The following SOAT1 variants were observed in gnomAD, a reference collection of about 807,000 sequenced individuals.
SOAT1 encodes the protein sterol O-acyltransferase 1, also known as acyl-coenzyme A:cholesterol acyltransferase 1.
SOAT1 carries 55 observed loss-of-function variants against 69.5 expected under a neutral mutation model. That is an observed-to-expected ratio of 0.79 (90% confidence interval 0.64 to 0.99). The LOEUF (loss-of-function observed/expected upper bound fraction) is 0.99. Among genes scored for constraint, SOAT1 ranks in the 50% least tolerant of loss-of-function variants. The probability of loss-of-function intolerance (pLI) is 0.00; values close to 1 mark genes in which losing one functional copy is unlikely to be tolerated. For synonymous variants in SOAT1, 231 were observed against 224.7 expected, an observed-to-expected ratio of 1.03 and a Z score of -0.25; for missense variants, 580 against 669.3, an observed-to-expected ratio of 0.87 and a Z score of 1.47.
chr1:179,313,119 C>T (rs1665273448), intron 2 of SOAT1, among the ~76,000 whole-genome samples: 1 of 152,170 alleles, frequency 6.6e-6, no homozygotes, highest in East Asian at 1.9e-4. Context: ...GTTTTATTTG[C>T]CAACCAGATT....
chr1:179,347,356 T>C (rs1471726060), intron 11 of SOAT1, among the ~76,000 whole-genome samples: 1 of 33,878 alleles, frequency 3.0e-5, no homozygotes, highest in Non-Finnish European at 6.0e-5. Context: ...GGACTCTGTC[T>C]CAAAAAAGAA....
chr1:179,330,073 G>C (rs1665922959), intron 3 of SOAT1, among the ~76,000 whole-genome samples: 1 of 152,172 alleles, frequency 6.6e-6, no homozygotes, highest in African/African-American at 2.4e-5. Flanking sequence ...TGGTAAAGCA[G>C]TAGAGAAGGA....
chr1:179,297,898 A>G (rs1429949713), intron 1 of SOAT1, among the ~76,000 whole-genome samples: 1 of 151,124 alleles, frequency 6.6e-6, no homozygotes, highest in Admixed American at 6.6e-5. Flanking sequence ...GCTGCTCCAG[A>G]GGCTGAGGCA....
At chr1:179,309,146 C>T (rs1031436943) in intron 2 of SOAT1, among the ~76,000 whole-genome samples, 7 of 152,096 alleles carry the variant, frequency 4.6e-5, no homozygotes, top group South Asian at 4.1e-4. Context: ...TGCAGTGGTG[C>T]GATCTTGGCT....
chr1:179,313,011 G>T (rs1003736514), intron 2 of SOAT1, among the ~76,000 whole-genome samples: 1 of 152,110 alleles, frequency 6.6e-6, no homozygotes, highest in African/African-American at 2.4e-5. Flanking sequence ...TCAGTTTCTC[G>T]CAAAGGCAGT....
chr1:179,327,755 A>G (rs1665839783), intron 3 of SOAT1, among the ~76,000 whole-genome samples: 2 of 152,210 alleles, frequency 1.3e-5, no homozygotes, highest in Non-Finnish European at 2.9e-5. Context: ...AAGTAAGGAA[A>G]AGTGTGAAGA....
intron 2 of SOAT1, among the ~76,000 whole-genome samples, chr1:179,305,553 A>G (rs1380195054): frequency 6.6e-6 from 1 of 152,164 alleles, no homozygotes; most frequent in Non-Finnish European, 1.5e-5. Flanking sequence ...ACATTTGTGT[A>G]GAAGCTTATG....
At chr1:179,324,133 G>A (rs895212579) in intron 3 of SOAT1, among the ~76,000 whole-genome samples, 3 of 152,076 alleles carry the variant, frequency 2.0e-5, no homozygotes, top group Non-Finnish European at 4.4e-5. Flanking sequence ...TGAAGATGAA[G>A]TAGCCCTGTT....
chr1:179,304,201 T>TGG (rs1231630601), intron 2 of SOAT1, among the ~76,000 whole-genome samples: 1 of 152,178 alleles, frequency 6.6e-6, no homozygotes, highest in African/African-American at 2.4e-5. Context: ...GTAAGTGCTT[T>TGG]GGGAGTAATC....
intron 15 of SOAT1, among the ~76,000 whole-genome samples, chr1:179,353,042 C>A (rs1016108815): frequency 1.4e-5 from 2 of 146,040 alleles, no homozygotes; most frequent in African/African-American, 2.5e-5. Flanking sequence ...TAATTTTAAA[C>A]CTTGTATTAG....
intron 3 of SOAT1, among the ~76,000 whole-genome samples, chr1:179,330,700 C>T (rs552797286): frequency 6.6e-5 from 10 of 152,216 alleles, no homozygotes; most frequent in Non-Finnish European, 1.3e-4. Context: ...ACATGGTAGA[C>T]GTTTCTCACT....
chr1:179,353,208 A>AT (rs1558061742), intron 15 of SOAT1, among the ~76,000 whole-genome samples: 1 of 8,214 alleles, frequency 1.2e-4, no homozygotes, highest in Non-Finnish European at 3.0e-4. Context: ...GTTATATATA[A>AT]ATATATATAT....
chr1:179,297,484 T>G (rs2124928000), intron 1 of SOAT1, among the ~76,000 whole-genome samples: 1 of 152,048 alleles, frequency 6.6e-6, no homozygotes, highest in South Asian at 2.1e-4. Flanking sequence ...TACAGGCACC[T>G]GCCATCACCC....
At chr1:179,294,813 G>A (rs1284067519) in intron 1 of SOAT1, among the ~76,000 whole-genome samples, 3 of 152,214 alleles carry the variant, frequency 2.0e-5, no homozygotes, top group Admixed American at 6.5e-5. Flanking sequence ...GATTACAGGC[G>A]TGAGCCACCG....
At chr1:179,319,004 G>A (rs1035680023) in intron 2 of SOAT1, among the ~76,000 whole-genome samples, 4 of 151,934 alleles carry the variant, frequency 2.6e-5, no homozygotes, top group Non-Finnish European at 5.9e-5. Context: ...TTAATCTGTC[G>A]AGGAACTTCC....
At chr1:179,304,275 C>G (rs2124937494) in intron 2 of SOAT1, among the ~76,000 whole-genome samples, 1 of 149,822 alleles carries the variant, frequency 6.7e-6, no homozygotes, top group South Asian at 2.1e-4. Context: ...CCCTTTCTTT[C>G]TCTCCTTTTT....
chr1:179,311,670 C>T lies in SOAT1; in HGVS notation c.118+8868C>T, dbSNP rs77142948. On this transcript the variant is annotated intron_variant, in intron 2 of 15. Transcript: ENST00000367619. Reference sequence around the variant, plus strand: ...AAAAATTCACTTGAAAATTTATTCTCAACCTAAGTAATAAATTGTTAAATC... The same window carrying T: ...AAAAATTCACTTGAAAATTTATTCTTAACCTAAGTAATAAATTGTTAAATC... Among the ~76,000 whole-genome samples the T allele has an allele frequency of 7.1e-3, 1,083 of 152,212 alleles. 12 individuals carry two copies. The highest frequency in any genetic ancestry group is 0.024 in the African/African-American group (996 of 41,526).
intron 2 of SOAT1, among the ~76,000 whole-genome samples, chr1:179,305,669 T>C (rs985441418): frequency 2.6e-5 from 4 of 152,204 alleles, no homozygotes; most frequent in African/African-American, 9.6e-5. Context: ...TTTTCCAAAA[T>C]AGCTACTCCT....
rs1666580996 is a variant in SOAT1, at chr1:179,347,665, A to G, written c.1183A>G (p.Met395Val). 6 of 1,612,922 alleles carry G rather than the reference A, an allele frequency of 3.7e-6. No individual in the cohort carries two copies. The highest frequency in any genetic ancestry group is 5.1e-6 in the Non-Finnish European group (6 of 1,179,284). The change falls in exon 12 of 16, where the codon ATG becomes GTG. Residue 395 changes from methionine (M) to valine (V), a missense_variant. By Grantham distance (21) the Met-to-Val change is conservative. Transcript: ENST00000367619. ...CTGCTGGCTCAATGCCTTTGCTGAG[A>G]TGTTACGCTTTGGTGACAGGATGTT... ...LHCWLNAFAE[M>V]LRFGDRMFYK... is the part of the protein sequence containing the mutation.
Sources: allele counts gnomAD v4.1 joint callset (sites outside exome capture counted in the v4.1 genomes callset), GRCh38; gene constraint gnomAD v4.1.1; transcripts MANE v1.5; gene names NCBI Gene and HGNC (gene_info 2026-07-23, HGNC 2026-07-21).